Variants in PPM1L observed in about 807,000 individuals in gnomAD.
The protein encoded by PPM1L is protein phosphatase 1L.
In PPM1L, 13 loss-of-function variants were observed where a neutral mutation model predicts 31.4. The ratio of observed to expected loss-of-function variants is 0.41; its 90% confidence interval spans 0.27 to 0.66. The LOEUF (loss-of-function observed/expected upper bound fraction) is 0.66, where lower values mean the gene tolerates loss of function less well. Among genes scored for constraint, PPM1L ranks in the 30% least tolerant of loss-of-function variants. The pLI is 0.29. For synonymous variants in PPM1L, 184 were observed against 175.4 expected (o/e 1.05, Z -0.39); for missense variants, 326 against 453.7 (o/e 0.72, Z 2.56).
intron 1 of PPM1L, among the ~76,000 whole-genome samples, chr3:160,881,668 A>G (rs567181073): frequency 6.6e-6 from 1 of 152,258 alleles, no homozygotes; most frequent in Admixed American, 6.5e-5. Context: ...TCTATTCAGA[A>G]TTCTCGATAG....
Position 160,949,283 on chromosome 3 carries a change from T to TTAGAG in PPM1L, c.400-12453_400-12452insTAGAG, listed in dbSNP as rs1292954796. Among the ~76,000 whole-genome samples the TTAGAG allele has an allele frequency of 2.0e-5, 3 of 152,220 alleles. No individual in the cohort carries two copies. In the East Asian group the frequency reaches 5.8e-4, roughly 29 times the overall value. Reference sequence around the variant, plus strand: ...TGGATTCCTAAAATAAGACATTAGATACTGTGTGTGTATTTCTGGGAAAAG... The same window carrying TTAGAG: ...TGGATTCCTAAAATAAGACATTAGATTAGAGACTGTGTGTGTATTTCTGGGAAAAG... On this transcript the variant is annotated intron_variant, in intron 1 of 3. Coordinates refer to ENST00000498165, the MANE Select transcript of PPM1L (RefSeq NM_139245.4).
intron 1 of PPM1L, among the ~76,000 whole-genome samples, chr3:160,826,995 A>G (rs770985929): frequency 5.3e-5 from 8 of 152,182 alleles, no homozygotes; most frequent in Non-Finnish European, 7.4e-5. Context: ...GAAAGAAAGG[A>G]GAAAATAAAA....
At chr3:160,945,121 C>CATATGT (rs1559897810) in intron 1 of PPM1L, among the ~76,000 whole-genome samples, 2 of 15,886 alleles carry the variant, frequency 1.3e-4, no homozygotes, top group African/African-American at 4.0e-4. Context: ...TGTTATCTAT[C>CATATGT]TATCTATCTA....
At chr3:160,826,546 G>A (rs984797984) in intron 1 of PPM1L, among the ~76,000 whole-genome samples, 1 of 152,138 alleles carries the variant, frequency 6.6e-6, no homozygotes, top group African/African-American at 2.4e-5. Context: ...ATTCCTGATA[G>A]AATCTTTATT....
rs972898816 is a variant in PPM1L at position 160,903,277 on chromosome 3, A to T, written c.400-58459A>T. ...TTATTCTAAGGAATTGGCTTATGTG[A>T]TTGCAGGAGCTGGCAGATCAAATTC... On this transcript the variant is annotated intron_variant, in intron 1 of 3. Transcript: ENST00000498165. Among the ~76,000 whole-genome samples, 47 of 147,130 alleles carry T rather than the reference A, an allele frequency of 3.2e-4. No homozygotes were observed. In the Admixed American group the frequency reaches 3.2e-3, roughly 10 times the overall value.
chr3:160,834,117 G>T (rs578262116), intron 1 of PPM1L, among the ~76,000 whole-genome samples: 1 of 150,150 alleles, frequency 6.7e-6, no homozygotes, highest in Non-Finnish European at 1.5e-5. Context: ...TCCGCCTCCT[G>T]GGTTCACGCC....
intron 3 of PPM1L, among the ~76,000 whole-genome samples, chr3:161,066,457 G>A: frequency 6.6e-6 from 1 of 152,330 alleles, no homozygotes; most frequent in Non-Finnish European, 1.5e-5. Flanking sequence ...ACATGAAGCA[G>A]GTAAGGGGAG....
chr3:160,786,207 A>ATTTTTTTTTT (rs35386910), intron 1 of PPM1L, among the ~76,000 whole-genome samples: 1 of 30,886 alleles, frequency 3.2e-5, no homozygotes, highest in Non-Finnish European at 4.7e-5. Context: ...ATATATATAT[A>ATTTTTTTTTT]TTTTTTTTTT....
At chr3:160,860,104 G>A (rs1382548396) in intron 1 of PPM1L, among the ~76,000 whole-genome samples, 2 of 152,192 alleles carry the variant, frequency 1.3e-5, no homozygotes, top group South Asian at 2.1e-4. Flanking sequence ...TGTAGAAGAA[G>A]CAACAGACTG....
At chr3:161,034,698 T>G (rs1353035337) in intron 2 of PPM1L, among the ~76,000 whole-genome samples, 70 of 105,072 alleles carry the variant, frequency 6.7e-4, no homozygotes, top group Admixed American at 1.7e-3. Flanking sequence ...GTCGGGGGGG[T>G]GGAGGACTAG....
chr3:161,000,087 C>A (rs1220219244), intron 2 of PPM1L, among the ~76,000 whole-genome samples: 1 of 152,178 alleles, frequency 6.6e-6, no homozygotes, highest in Non-Finnish European at 1.5e-5. Context: ...GCTTTGTGAA[C>A]AGGTGATGGC....
chr3:161,052,166 G>T (rs143049744), intron 2 of PPM1L, among the ~76,000 whole-genome samples: 52 of 152,318 alleles, frequency 3.4e-4, no homozygotes, highest in African/African-American at 1.2e-3. Flanking sequence ...TTCAGCCATT[G>T]CCTTTCCATA....
intron 2 of PPM1L, among the ~76,000 whole-genome samples, chr3:161,024,469 C>T (rs565865573): frequency 2.4e-3 from 359 of 152,072 alleles, no homozygotes; most frequent in African/African-American, 8.3e-3. Flanking sequence ...GAGGCGGAGG[C>T]GGGCAGATCA....
At chr3:160,836,917 T>C (rs1463082695) in intron 1 of PPM1L, among the ~76,000 whole-genome samples, 1 of 152,216 alleles carries the variant, frequency 6.6e-6, no homozygotes, top group Non-Finnish European at 1.5e-5. Flanking sequence ...TTAGAGACAT[T>C]AGCTCCACTG....
At chr3:160,876,784 G>T (rs923217923) in intron 1 of PPM1L, among the ~76,000 whole-genome samples, 8 of 152,218 alleles carry the variant, frequency 5.3e-5, no homozygotes, top group African/African-American at 1.9e-4. Flanking sequence ...GGGTGGCCAC[G>T]TGGGGGTGGT....
Position 161,069,383 on chromosome 3 carries a change from C to A in PPM1L, c.*226C>A, listed in dbSNP as rs1719842154. 7 of 551,372 alleles carry A rather than the reference C, an allele frequency of 1.3e-5. No homozygotes were observed. The East Asian group carries it at 2.1e-4, about 17-fold the overall frequency. 34.2% of individuals were successfully genotyped at this position (551,372 alleles called of 1,614,324 possible). The stretch of plus-strand genomic sequence containing the variant: ...TTTCTTCATGTTTTCCCAACTCTTT[C>A]ATCCAGTGTCCAAAATATATAAGTA... On this transcript the variant is annotated 3_prime_UTR_variant, in exon 4 of 4. Coordinates refer to ENST00000498165, the MANE Select transcript of PPM1L (RefSeq NM_139245.4).
intron 1 of PPM1L, among the ~76,000 whole-genome samples, chr3:160,810,745 A>T (rs1157656689): frequency 6.6e-6 from 1 of 152,130 alleles, no homozygotes; most frequent in African/African-American, 2.4e-5. Context: ...GAGGTCATAA[A>T]TTGTATATTA....
intron 1 of PPM1L, among the ~76,000 whole-genome samples, chr3:160,879,097 C>T (rs1394142363): frequency 6.6e-6 from 1 of 152,176 alleles, no homozygotes; most frequent in African/African-American, 2.4e-5. Flanking sequence ...AAAGAGAAGG[C>T]AAACAGAACA....
chr3:161,053,059 T>G (rs192777672), intron 2 of PPM1L, among the ~76,000 whole-genome samples: 7 of 152,356 alleles, frequency 4.6e-5, no homozygotes, highest in African/African-American at 1.7e-4. Flanking sequence ...GACAACTCAC[T>G]GAAGAATCCT....
Sources: gnomAD v4.1 joint callset for allele counts (sites outside exome capture counted in the v4.1 genomes callset) on GRCh38, gnomAD v4.1.1 for gene constraint, MANE v1.5 for transcripts, NCBI Gene and HGNC (gene_info 2026-07-23, HGNC 2026-07-21) for gene names.